Variants in HS6ST3 observed in about 807,000 individuals in gnomAD.
HS6ST3 encodes heparan sulfate 6-O-sulfotransferase 3.
HS6ST3 carries 12 observed loss-of-function variants against 36.7 expected under a neutral mutation model. That is an observed-to-expected ratio of 0.33 (90% CI 0.21 to 0.53). The LOEUF is 0.53. Ranked by LOEUF, HS6ST3 falls within the 20% of genes least tolerant of loss-of-function variation. HS6ST3 has a pLI of 0.95. For missense variants in HS6ST3, 584 were observed against 640.9 expected (o/e 0.91, Z 0.96); for synonymous variants, 240 against 257.5 (o/e 0.93, Z 0.65).
chr13:96,325,288 G>A (rs1229567602), intron 1 of HS6ST3, among the ~76,000 whole-genome samples: 1 of 152,118 alleles, frequency 6.6e-6, no homozygotes, highest in Non-Finnish European at 1.5e-5. Flanking sequence ...TCTAAGGTAA[G>A]GAAATAGTTT....
chr13:96,128,964 G>A (rs1381133392), intron 1 of HS6ST3, among the ~76,000 whole-genome samples: 2 of 151,864 alleles, frequency 1.3e-5, no homozygotes, highest in Non-Finnish European at 2.9e-5. Flanking sequence ...TCCTGCGTCA[G>A]CCTCCCTAGT....
chr13:96,657,100 A>G (rs572801183), intron 1 of HS6ST3, among the ~76,000 whole-genome samples: 55 of 152,110 alleles, frequency 3.6e-4, no homozygotes, highest in African/African-American at 1.1e-3. Flanking sequence ...CAAAGCAGGA[A>G]ATAATCAAAG....
intron 1 of HS6ST3, among the ~76,000 whole-genome samples, chr13:96,750,798 G>C (rs1421147905): frequency 6.6e-6 from 1 of 152,054 alleles, no homozygotes; most frequent in African/African-American, 2.4e-5. Context: ...AAATTCTGTT[G>C]ACCTAAGTTA....
intron 1 of HS6ST3, among the ~76,000 whole-genome samples, chr13:96,296,437 A>T (rs2054855296): frequency 2.0e-5 from 3 of 152,084 alleles, no homozygotes; most frequent in African/African-American, 7.2e-5. Flanking sequence ...GGCATAGCTA[A>T]TGTTTTTTAA....
intron 1 of HS6ST3, among the ~76,000 whole-genome samples, chr13:96,576,531 AAAG>A (rs1387445768): frequency 6.6e-6 from 1 of 152,208 alleles, no homozygotes; most frequent in African/African-American, 2.4e-5. Context: ...GTTTAATTTC[AAAG>A]AATAAAGAAA....
chr13:96,421,544 A>C (rs2055562143), intron 1 of HS6ST3, among the ~76,000 whole-genome samples: 1 of 152,156 alleles, frequency 6.6e-6, no homozygotes. Context: ...GCAATACTCA[A>C]ATGACATGTA....
rs143199179 is a variant in HS6ST3 at position 96,148,919 on chromosome 13, G to A, written c.707+57350G>A. Among the ~76,000 whole-genome samples, 73 of 152,288 alleles carry A rather than the reference G, an allele frequency of 4.8e-4. 2 individuals are homozygous for A. The highest frequency in any genetic ancestry group is 1.6e-3 in the African/African-American group (67 of 41,570). ...GTGAAATACACTAAGGGACAAAATAGTCTTTATGTATGAGAGGAAAACAAG... is the reference window on the plus strand; with the variant it reads ...GTGAAATACACTAAGGGACAAAATAATCTTTATGTATGAGAGGAAAACAAG... On this transcript the variant is annotated intron_variant, in intron 1 of 1. Transcript: ENST00000376705.
At chr13:96,305,873 G>T in intron 1 of HS6ST3, among the ~76,000 whole-genome samples, 1 of 147,930 alleles carries the variant, frequency 6.8e-6, no homozygotes, top group Admixed American at 6.8e-5. Context: ...TTTGGAGACG[G>T]AGTTCATGGT....
chr13:96,442,771 T>A, intron 1 of HS6ST3, among the ~76,000 whole-genome samples: 1 of 112,898 alleles, frequency 8.9e-6, no homozygotes, highest in African/African-American at 3.7e-5. Context: ...AAAAGTACAA[T>A]TGGAAGTAAA....
At chr13:96,627,070 GT>G (rs1454431944) in intron 1 of HS6ST3, among the ~76,000 whole-genome samples, 1 of 151,950 alleles carries the variant, frequency 6.6e-6, no homozygotes, top group East Asian at 1.9e-4. Context: ...CTCATCCAAT[GT>G]TTTTAAAAGA....
chr13:96,595,746 A>G (rs1333762135), intron 1 of HS6ST3, among the ~76,000 whole-genome samples: 2 of 150,474 alleles, frequency 1.3e-5, no homozygotes, highest in Non-Finnish European at 3.0e-5. Flanking sequence ...TCTTCTGACT[A>G]TATTTTTTCA....
intron 1 of HS6ST3, among the ~76,000 whole-genome samples, chr13:96,545,005 A>C (rs987816295): frequency 6.6e-5 from 10 of 152,204 alleles, no homozygotes; most frequent in Admixed American, 3.9e-4. Flanking sequence ...GAATCAGATG[A>C]GTGTTTATTA....
chr13:96,216,668 G>A (rs543726945), intron 1 of HS6ST3, among the ~76,000 whole-genome samples: 2 of 152,204 alleles, frequency 1.3e-5, no homozygotes, highest in African/African-American at 2.4e-5. Flanking sequence ...AGTGGTTGGG[G>A]TGTAGGCATA....
At chr13:96,713,246 T>C (rs988865112) in intron 1 of HS6ST3, among the ~76,000 whole-genome samples, 52 of 152,196 alleles carry the variant, frequency 3.4e-4, no homozygotes, top group African/African-American at 1.2e-3. Context: ...TCTACATCTT[T>C]CAAAACCATT....
chr13:96,688,800 C>T (rs2138443230), intron 1 of HS6ST3, among the ~76,000 whole-genome samples: 1 of 152,200 alleles, frequency 6.6e-6, no homozygotes, highest in East Asian at 1.9e-4. Flanking sequence ...CCTTCATCCA[C>T]CCAGTGTGGT....
At chr13:96,109,047 C>G (rs2053856116) in intron 1 of HS6ST3, among the ~76,000 whole-genome samples, 1 of 152,046 alleles carries the variant, frequency 6.6e-6, no homozygotes, top group African/African-American at 2.4e-5. Flanking sequence ...ATGTTTAACT[C>G]TATCATAGTT....
chr13:96,412,275 T>G (rs1370558660), intron 1 of HS6ST3, among the ~76,000 whole-genome samples: 4 of 152,126 alleles, frequency 2.6e-5, no homozygotes, highest in African/African-American at 9.7e-5. Flanking sequence ...AGTGCTGGGA[T>G]TACAGGCGAG....
rs191255800 is a variant in HS6ST3 at position 96,191,401 on chromosome 13, G to A, written c.707+99832G>A. 2.4e-3 allele frequency among the ~76,000 whole-genome samples: 360 copies of A among 152,294 alleles called. 2 individuals carry two copies. The highest frequency in any genetic ancestry group is 3.3e-3 in the Admixed American group (51 of 15,302). On this transcript the variant is annotated intron_variant, in intron 1 of 1. Coordinates refer to ENST00000376705, the MANE Select transcript of HS6ST3 (RefSeq NM_153456.4). ...GTCCTACTGTGCTACAGTCCTTGTA[G>A]TTCTTTGAATGTATCACAGTCTCTC...
chr13:96,228,435 T>A (rs2054491668), intron 1 of HS6ST3, among the ~76,000 whole-genome samples: 1 of 152,072 alleles, frequency 6.6e-6, no homozygotes. Flanking sequence ...CCAGCTAATG[T>A]TTGTATTTTC....
Sources: allele counts gnomAD v4.1 joint callset (sites outside exome capture counted in the v4.1 genomes callset), GRCh38; gene constraint gnomAD v4.1.1; transcripts MANE v1.5; gene names NCBI Gene and HGNC (gene_info 2026-07-23, HGNC 2026-07-21).